The following ZDHHC17 variants were observed in gnomAD, a reference collection of about 807,000 sequenced individuals.
The protein encoded by ZDHHC17 is zDHHC palmitoyltransferase 17, also known as palmitoyltransferase ZDHHC17.
Under a neutral mutation model 90.3 loss-of-function variants are expected in ZDHHC17, and 40 were observed. That is an observed-to-expected ratio of 0.44 (90% CI 0.34 to 0.58). The LOEUF (loss-of-function observed/expected upper bound fraction) is 0.58. ZDHHC17 is among the 20% of genes least tolerant of loss of function. ZDHHC17 has a pLI of 0.01. For synonymous variants in ZDHHC17, 235 were observed against 252.4 expected (o/e 0.93, Z 0.65); for missense variants, 614 against 780.8 (o/e 0.79, Z 2.55).
intron 1 of ZDHHC17, among the ~76,000 whole-genome samples, chr12:76,783,432 T>C (rs1436595861): frequency 1.3e-5 from 2 of 152,184 alleles, no homozygotes; most frequent in Admixed American, 1.3e-4. Flanking sequence ...CAAACGCTTA[T>C]GAAACCATCA....
chr12:76,821,472 C>G (rs907529304), intron 7 of ZDHHC17, among the ~76,000 whole-genome samples: 1 of 151,986 alleles, frequency 6.6e-6, no homozygotes, highest in African/African-American at 2.4e-5. Flanking sequence ...CACCCCAAGG[C>G]TCTTTATTGC....
rs74434882 is a variant in ZDHHC17, at chr12:76,800,444, T to G, written c.197+2907T>G. 2.3e-3 allele frequency among the ~76,000 whole-genome samples: 352 copies of G among 152,352 alleles called. 1 individual carries two copies. Among genetic ancestry groups the G allele is most frequent in the Non-Finnish European group, 3.9e-3 (265 of 68,032 alleles). ...ATTATTGAGAGTTGTGGTATTGAAG[T>G]CTCTAGCTCTTACTGTAGAACTATC... On this transcript the variant is annotated intron_variant, in intron 2 of 16. Transcript: ENST00000426126.
intron 3 of ZDHHC17, 98 bp downstream of exon 3, chr12:76,805,537 T>C: frequency 1.8e-6 from 2 of 1,094,394 alleles, no homozygotes; most frequent in Non-Finnish European, 2.5e-6. Context: ...TTTCTAAAAT[T>C]CATGGCTTTT....
intron 15 of ZDHHC17, 37 bp from the exon 16 acceptor site, chr12:76,849,339 A>AAAC (rs1953536251): frequency 8.8e-7 from 1 of 1,137,254 alleles, no homozygotes; most frequent in South Asian, 1.5e-5. Flanking sequence ...AAAAAAAAAA[A>AAAC]AACAAGAATA....
At position 76,851,059 on chromosome 12, in the gene ZDHHC17, C is replaced by T. The variant is rs980535568; in HGVS notation, c.*74C>T. The stretch of plus-strand genomic sequence containing the variant: ...TGTCTGTCCGTGTCTTTCTCACACT[C>T]GAATCCACATCCTTTGAACAAGAGC... On this transcript the variant is annotated 3_prime_UTR_variant, in exon 17 of 17. Transcript: ENST00000426126. 12 of 1,575,472 alleles carry T rather than the reference C, an allele frequency of 7.6e-6. No individual in the cohort carries two copies. Among genetic ancestry groups the T allele is most frequent in the Non-Finnish European group, 9.5e-6 (11 of 1,154,562 alleles).
chr12:76,849,715 TAGAAATAGTAGGGTCCTA>T, intron 16 of ZDHHC17: 1 of 280,432 alleles, frequency 3.6e-6, no homozygotes, highest in Non-Finnish European at 6.5e-6. Flanking sequence ...GTCTGGTGCT[TAGAAATAGTAGGGTCCTA>T]AGTATATGAA....
At chr12:76,809,228 G>A (rs73144902) in intron 4 of ZDHHC17, 108 bp downstream of exon 4, 34,142 of 634,116 alleles carry the variant, frequency 0.054, 1,184 homozygotes, top group East Asian at 0.13. Context: ...TTATTATGCC[G>A]TTAGTTAATA....
chr12:76,765,958 A>G (rs888845508), intron 1 of ZDHHC17, among the ~76,000 whole-genome samples: 1 of 152,160 alleles, frequency 6.6e-6, no homozygotes, highest in Non-Finnish European at 1.5e-5. Context: ...CACCTTAGCT[A>G]CTTAAAGTGC....
intron 1 of ZDHHC17, among the ~76,000 whole-genome samples, chr12:76,774,264 G>GTGTGTATGTGTATGTGTATGTGTA (rs139357745): frequency 0.02 from 3,023 of 149,768 alleles, 82 homozygotes; most frequent in East Asian, 0.12. Flanking sequence ...TAAAGAATGT[G>GTGTGTATGTGTATGTGTATGTGTA]TGTGTATGTG....
chr12:76,782,106 AAG>A (rs915863544), intron 1 of ZDHHC17, among the ~76,000 whole-genome samples: 4 of 152,220 alleles, frequency 2.6e-5, no homozygotes, highest in African/African-American at 7.2e-5. Flanking sequence ...AAGATAAAAA[AAG>A]AATTTAATTT....
intron 1 of ZDHHC17, among the ~76,000 whole-genome samples, chr12:76,767,353 G>T (rs989395768): frequency 1.3e-5 from 2 of 152,260 alleles, no homozygotes; most frequent in Admixed American, 1.3e-4. Flanking sequence ...ATTATTTGTG[G>T]GTAAAGAAAT....
chr12:76,773,383 T>C (rs1321624847), intron 1 of ZDHHC17, among the ~76,000 whole-genome samples: 1 of 152,216 alleles, frequency 6.6e-6, no homozygotes, highest in Admixed American at 6.5e-5. Context: ...TAATATTCAT[T>C]TAAAGTTCCT....
intron 1 of ZDHHC17, among the ~76,000 whole-genome samples, chr12:76,784,645 A>G (rs1477322938): frequency 6.6e-6 from 1 of 152,214 alleles, no homozygotes; most frequent in African/African-American, 2.4e-5. Context: ...TACAATTCTG[A>G]CTGAAAAATT....
intron 10 of ZDHHC17, among the ~76,000 whole-genome samples, chr12:76,835,277 C>A (rs1428611881): frequency 7.0e-6 from 1 of 142,726 alleles, no homozygotes; most frequent in African/African-American, 2.6e-5. Context: ...TCTTTAACTC[C>A]TGAACTCAAG....
chr12:76,774,312 ACACACACAC>A (rs2137714921), intron 1 of ZDHHC17, among the ~76,000 whole-genome samples: 2 of 125,548 alleles, frequency 1.6e-5, no homozygotes, highest in South Asian at 5.2e-4. Context: ...ATATATATAC[ACACACACAC>A]ATATATATAC....
chr12:76,842,465 T>G (rs1242304872), intron 11 of ZDHHC17, among the ~76,000 whole-genome samples: 1 of 152,200 alleles, frequency 6.6e-6, no homozygotes, highest in Non-Finnish European at 1.5e-5. Flanking sequence ...TGGTTGATAG[T>G]GCAGGTACAC....
intron 4 of ZDHHC17, 39 bp from the exon 5 acceptor site, chr12:76,809,674 A>G: frequency 7.4e-7 from 1 of 1,358,258 alleles, no homozygotes; most frequent in South Asian, 2.0e-5. Context: ...TGTTTGAAAT[A>G]ACTTTATATA....
intron 1 of ZDHHC17, among the ~76,000 whole-genome samples, chr12:76,773,117 C>G (rs903547458): frequency 6.6e-6 from 1 of 152,158 alleles, no homozygotes; most frequent in Non-Finnish European, 1.5e-5. Flanking sequence ...CTCGACGTCT[C>G]AAAGTACTGG....
intron 1 of ZDHHC17, among the ~76,000 whole-genome samples, chr12:76,768,763 A>G (rs79868599): frequency 0.022 from 3,413 of 152,232 alleles, 43 homozygotes; most frequent in Non-Finnish European, 0.035. Flanking sequence ...AGATCACAAT[A>G]TCCCCTTCTG....
Sources: allele counts gnomAD v4.1 joint callset (sites outside exome capture counted in the v4.1 genomes callset), GRCh38; gene constraint gnomAD v4.1.1; transcripts MANE v1.5; gene names NCBI Gene and HGNC (gene_info 2026-07-23, HGNC 2026-07-21).